The following RAI14 variants were observed in gnomAD, a reference collection of about 807,000 sequenced individuals.
RAI14 encodes the protein ankycorbin.
In RAI14, 45 loss-of-function variants were observed where a neutral mutation model predicts 115.4. The observed-to-expected ratio is 0.39, with a 90% CI of 0.31 to 0.50. The LOEUF is 0.50. RAI14 is among the 20% of genes least tolerant of loss of function. RAI14 has a pLI of 0.85. For synonymous variants in RAI14, 371 were observed against 415.4 expected (o/e 0.89, Z 1.30); for missense variants, 939 against 1,131.2 (o/e 0.83, Z 2.44).
intron 1 of RAI14, among the ~76,000 whole-genome samples, chr5:34,672,936 C>G (rs1743721114): frequency 6.6e-6 from 1 of 151,854 alleles, no homozygotes. Flanking sequence ...AGCCTGTACT[C>G]AAGGGAAACA....
intron 2 of RAI14, among the ~76,000 whole-genome samples, chr5:34,693,083 A>T (rs964642303): frequency 6.6e-6 from 1 of 152,104 alleles, no homozygotes. Flanking sequence ...CCTCCTTTAC[A>T]TAAAGACGCC....
rs780186006 is a variant in RAI14, at chr5:34,799,493, GACAC to G, written c.256+3510_256+3513del. Among the ~76,000 whole-genome samples, 1,205 of 124,076 alleles carry G rather than the reference GACAC, an allele frequency of 9.7e-3. 14 individuals are homozygous for G. Among genetic ancestry groups the G allele is most frequent in the African/African-American group, 0.025 (863 of 34,860 alleles). 81.4% of individuals were successfully genotyped at this position (124,076 alleles called of 152,430 possible). A position where few individuals can be genotyped will look rare whatever the true frequency, so the allele number is the denominator to read the frequency against. On this transcript the variant is annotated intron_variant, in intron 4 of 17. Coordinates refer to ENST00000265109, the MANE Select transcript of RAI14 (RefSeq NM_015577.3). ...TTGAAAAAAACAAAACACACACACA[GACAC>G]ACACACACACACACACACACACACA...
intron 2 of RAI14, among the ~76,000 whole-genome samples, chr5:34,735,913 A>G (rs1744810799): frequency 6.6e-6 from 1 of 152,268 alleles, no homozygotes; most frequent in African/African-American, 2.4e-5. Context: ...TGGTACTCAT[A>G]GGACCTCACA....
intron 1 of RAI14, among the ~76,000 whole-genome samples, chr5:34,662,067 G>T (rs1221955827): frequency 1.3e-5 from 2 of 152,158 alleles, no homozygotes; most frequent in African/African-American, 4.8e-5. Flanking sequence ...GGGATTACAG[G>T]CATGAGCCAC....
intron 2 of RAI14, among the ~76,000 whole-genome samples, chr5:34,700,134 A>AT (rs905992459): frequency 6.6e-5 from 10 of 152,286 alleles, no homozygotes; most frequent in African/African-American, 2.2e-4. Context: ...CAAAAAGTAC[A>AT]TTTTTTGTTT....
chr5:34,778,740 A>AT (rs35048604), intron 3 of RAI14, among the ~76,000 whole-genome samples: 4,077 of 142,076 alleles, frequency 0.029, 148 homozygotes, highest in African/African-American at 0.093. Flanking sequence ...CGTTTCTGTG[A>AT]TTTTTTTTTT....
chr5:34,706,368 C>T (rs905865722), intron 2 of RAI14, among the ~76,000 whole-genome samples: 1 of 152,142 alleles, frequency 6.6e-6, no homozygotes, highest in Non-Finnish European at 1.5e-5. Flanking sequence ...ACTCATTAAA[C>T]TGAGGACAAT....
intron 11 of RAI14, among the ~76,000 whole-genome samples, chr5:34,813,880 C>T (rs1459257724): frequency 2.0e-5 from 3 of 152,060 alleles, no homozygotes; most frequent in African/African-American, 4.8e-5. Context: ...ACAGTAGAAT[C>T]GAATAGCCTC....
At chr5:34,811,665 C>A in intron 8 of RAI14, 102 bp from the exon 9 acceptor site, 1 of 1,019,398 alleles carries the variant, frequency 9.8e-7, no homozygotes. Flanking sequence ...AAAGGTTTAA[C>A]TGCACTTAAT....
chr5:34,725,155 C>T (rs1367564593), intron 2 of RAI14, among the ~76,000 whole-genome samples: 2 of 151,944 alleles, frequency 1.3e-5, no homozygotes, highest in Admixed American at 1.3e-4. Context: ...AACTAGGTGA[C>T]AGGGTTTCCC....
At chr5:34,677,752 A>T (rs1289052210) in intron 1 of RAI14, among the ~76,000 whole-genome samples, 47 of 151,986 alleles carry the variant, frequency 3.1e-4, no homozygotes, top group Admixed American at 3.1e-3. Flanking sequence ...GACTTTTCTG[A>T]TTATTCTTAG....
chr5:34,707,327 C>T (rs1295319924), intron 2 of RAI14, among the ~76,000 whole-genome samples: 5 of 152,164 alleles, frequency 3.3e-5, no homozygotes, highest in South Asian at 2.1e-4. Flanking sequence ...ATTAGCCCGA[C>T]GTGGTGTCAG....
intron 2 of RAI14, among the ~76,000 whole-genome samples, chr5:34,709,194 T>G (rs1741098538): frequency 6.7e-6 from 1 of 149,868 alleles, no homozygotes; most frequent in South Asian, 2.1e-4. Context: ...TTGCCTGTAA[T>G]CCCAGCAATT....
At chr5:34,687,513 A>G (rs1296001850) in intron 2 of RAI14, 1 of 1,352,498 alleles carries the variant, frequency 7.4e-7, no homozygotes, top group Non-Finnish European at 9.6e-7. Flanking sequence ...TGGAGGAAGC[A>G]GTTATGATGT....
intron 1 of RAI14, among the ~76,000 whole-genome samples, chr5:34,663,921 C>T (rs371064344): frequency 6.6e-6 from 1 of 152,138 alleles, no homozygotes; most frequent in Non-Finnish European, 1.5e-5. Context: ...TCAGTGTCAC[C>T]TCATCTAACC....
chr5:34,735,867 C>T (rs1231257070), intron 2 of RAI14, among the ~76,000 whole-genome samples: 2 of 152,232 alleles, frequency 1.3e-5, no homozygotes, highest in Non-Finnish European at 2.9e-5. Context: ...AGCCTATAAG[C>T]TCTGCGAGTT....
chr5:34,712,282 C>T (rs1741491660), intron 2 of RAI14, among the ~76,000 whole-genome samples: 1 of 152,120 alleles, frequency 6.6e-6, no homozygotes, highest in South Asian at 2.1e-4. Flanking sequence ...ATTTCCTGAG[C>T]CTAAAACTTG....
At chr5:34,742,166 G>A (rs58024411) in intron 2 of RAI14, among the ~76,000 whole-genome samples, 2,240 of 152,222 alleles carry the variant, frequency 0.015, 48 homozygotes, top group East Asian at 0.073. Context: ...GGGTGGCCTC[G>A]TCGCTAACCA....
Position 34,806,743 on chromosome 5 carries a change from G to A in RAI14, c.322-1057G>A, listed in dbSNP as rs191296728. Among the ~76,000 whole-genome samples, 970 of 152,234 alleles carry A rather than the reference G, an allele frequency of 6.4e-3. 2 individuals are homozygous for A. The highest frequency in any genetic ancestry group is 9.0e-3 in the Non-Finnish European group (614 of 68,002). On this transcript the variant is annotated intron_variant, in intron 5 of 17. Coordinates refer to ENST00000265109, the MANE Select transcript of RAI14 (RefSeq NM_015577.3). The stretch of plus-strand genomic sequence containing the variant: ...GGAGCAGGTGGGGCACGGGGGAGGG[G>A]AAGCCAGAGATTTTGGCTGGGCCTT...
Sources: gnomAD v4.1 joint callset for allele counts (sites outside exome capture counted in the v4.1 genomes callset) on GRCh38, gnomAD v4.1.1 for gene constraint, MANE v1.5 for transcripts, NCBI Gene and HGNC (gene_info 2026-07-23, HGNC 2026-07-21) for gene names.